Variants in FCHSD2 observed in about 807,000 individuals in gnomAD.
FCHSD2 encodes the protein F-BAR and double SH3 domains protein 2.
FCHSD2 carries 38 observed loss-of-function variants against 108.1 expected under a neutral mutation model. The observed-to-expected ratio is 0.35, with a 90% CI of 0.27 to 0.46. FCHSD2 has a LOEUF of 0.46. FCHSD2 is among the 20% of genes least tolerant of loss of function. The pLI, the probability that FCHSD2 is intolerant of heterozygous loss-of-function variation, is 1.00. For synonymous variants in FCHSD2, 279 were observed against 314.7 expected (o/e 0.89, Z 1.20); for missense variants, 751 against 897.8 (o/e 0.84, Z 2.09).
At chr11:73,041,336 A>G (rs1254682459) in intron 3 of FCHSD2, among the ~76,000 whole-genome samples, 1 of 152,172 alleles carries the variant, frequency 6.6e-6, no homozygotes, top group Non-Finnish European at 1.5e-5. Flanking sequence ...ACTAATTTAC[A>G]TTCCTACCAA....
At chr11:72,917,953 T>C (rs112027563) in intron 9 of FCHSD2, among the ~76,000 whole-genome samples, 3,564 of 152,234 alleles carry the variant, frequency 0.023, 143 homozygotes, top group African/African-American at 0.079. Context: ...CATTGGAATT[T>C]TGATAGGGAC....
At chr11:72,879,626 C>T (rs373579244) in intron 12 of FCHSD2, among the ~76,000 whole-genome samples, 1 of 152,168 alleles carries the variant, frequency 6.6e-6, no homozygotes, top group East Asian at 1.9e-4. Flanking sequence ...AATAAAAATT[C>T]ACAAGATGGC....
chr11:72,961,456 A>G (rs1036698324), intron 8 of FCHSD2, among the ~76,000 whole-genome samples: 1 of 151,304 alleles, frequency 6.6e-6, no homozygotes, highest in African/African-American at 2.4e-5. Context: ...GGGTCTCACT[A>G]TGTTGCCCAG....
intron 8 of FCHSD2, among the ~76,000 whole-genome samples, chr11:72,977,906 A>G (rs1565350800): frequency 2.0e-5 from 3 of 152,246 alleles, no homozygotes; most frequent in African/African-American, 4.8e-5. Flanking sequence ...AAGACTTGGA[A>G]CCAACCCAAA....
chr11:72,858,871 C>T (rs1425588107), intron 13 of FCHSD2, among the ~76,000 whole-genome samples: 1 of 152,174 alleles, frequency 6.6e-6, no homozygotes, highest in African/African-American at 2.4e-5. Context: ...TCAGAAACAA[C>T]TGAAAAACTG....
At chr11:72,903,530 T>A (rs1462527289) in intron 9 of FCHSD2, among the ~76,000 whole-genome samples, 7 of 152,118 alleles carry the variant, frequency 4.6e-5, no homozygotes, top group South Asian at 4.1e-4. Flanking sequence ...GGAATTTCTA[T>A]AAAAGGAGAA....
intron 2 of FCHSD2, among the ~76,000 whole-genome samples, chr11:73,091,759 G>A (rs1465137934): frequency 2.0e-5 from 3 of 151,934 alleles, no homozygotes; most frequent in African/African-American, 4.8e-5. Flanking sequence ...CCTAGCTGAT[G>A]CTGGGCGTGG....
intron 3 of FCHSD2, among the ~76,000 whole-genome samples, chr11:73,054,365 C>T (rs957542839): frequency 9.2e-5 from 14 of 151,810 alleles, no homozygotes; most frequent in African/African-American, 2.2e-4. Flanking sequence ...CATTCCAACA[C>T]GCAGACAGGG....
At chr11:72,839,309 A>G (rs989436372) in intron 19 of FCHSD2, among the ~76,000 whole-genome samples, 1 of 152,246 alleles carries the variant, frequency 6.6e-6, no homozygotes, top group African/African-American at 2.4e-5. Context: ...TGCTTTAAGA[A>G]GAAAAAAATA....
intron 13 of FCHSD2, among the ~76,000 whole-genome samples, chr11:72,867,297 T>C (rs944918002): frequency 2.0e-5 from 3 of 152,180 alleles, no homozygotes; most frequent in African/African-American, 7.2e-5. Context: ...TTGAACCAGA[T>C]GACATCAGAG....
chr11:72,979,428 A>C (rs960707105), intron 8 of FCHSD2, among the ~76,000 whole-genome samples: 5 of 152,148 alleles, frequency 3.3e-5, no homozygotes, highest in Non-Finnish European at 5.9e-5. Context: ...GAGAAAACAA[A>C]AGGGAAGAAT....
At chr11:73,032,454 G>A (rs1192457922) in intron 3 of FCHSD2, among the ~76,000 whole-genome samples, 1 of 152,020 alleles carries the variant, frequency 6.6e-6, no homozygotes. Context: ...TCAAACTCCT[G>A]GCCTTAAGTG....
intron 8 of FCHSD2, among the ~76,000 whole-genome samples, chr11:72,982,825 G>C (rs192286560): frequency 6.6e-6 from 1 of 152,192 alleles, no homozygotes; most frequent in Non-Finnish European, 1.5e-5. Context: ...CATAAATTCA[G>C]GATAAACGTA....
At chr11:73,065,251 A>G (rs891106157) in intron 3 of FCHSD2, among the ~76,000 whole-genome samples, 1 of 152,154 alleles carries the variant, frequency 6.6e-6, no homozygotes, top group Non-Finnish European at 1.5e-5. Context: ...AATCAATCAC[A>G]AAAAAACACG....
chr11:72,981,207 C>T (rs551438572), intron 8 of FCHSD2, among the ~76,000 whole-genome samples: 1 of 152,262 alleles, frequency 6.6e-6, no homozygotes, highest in African/African-American at 2.4e-5. Context: ...GGACCAACCC[C>T]TGCCTCTATT....
chr11:73,055,630 G>C (rs1299709471), intron 3 of FCHSD2, among the ~76,000 whole-genome samples: 1 of 152,004 alleles, frequency 6.6e-6, no homozygotes, highest in Non-Finnish European at 1.5e-5. Flanking sequence ...TTAGTACAGA[G>C]TACATGTATG....
chr11:72,910,330 G>A (rs1487980781), intron 9 of FCHSD2, among the ~76,000 whole-genome samples: 1 of 152,264 alleles, frequency 6.6e-6, no homozygotes, highest in Non-Finnish European at 1.5e-5. Context: ...CAGCTCCGAA[G>A]AGACAGCGAC....
chr11:72,859,675 G>A (rs961561696), intron 13 of FCHSD2, among the ~76,000 whole-genome samples: 7 of 152,148 alleles, frequency 4.6e-5, no homozygotes, highest in Non-Finnish European at 1.5e-5. Context: ...AGAGAGAGAT[G>A]CGCAGAACTT....
chr11:72,931,110 T>C (rs1249071678), intron 8 of FCHSD2, among the ~76,000 whole-genome samples: 1 of 150,470 alleles, frequency 6.6e-6, no homozygotes, highest in Non-Finnish European at 1.5e-5. Flanking sequence ...TTTTTTTTTT[T>C]TTTGAAAAGG....
Sources: gnomAD v4.1 joint callset for allele counts (sites outside exome capture counted in the v4.1 genomes callset) on GRCh38, gnomAD v4.1.1 for gene constraint, MANE v1.5 for transcripts, NCBI Gene and HGNC (gene_info 2026-07-23, HGNC 2026-07-21) for gene names.